The following VGLL3 variants were observed in gnomAD, a reference collection of about 807,000 sequenced individuals.
The protein encoded by VGLL3 is vestigial like family member 3.
Under a neutral mutation model 29.2 loss-of-function variants are expected in VGLL3, and 18 were observed. The observed-to-expected ratio is 0.62, with a 90% CI of 0.43 to 0.91. VGLL3 has a LOEUF of 0.91. Among genes scored for constraint, VGLL3 ranks in the 40% least tolerant of loss-of-function variants. The pLI, the probability that VGLL3 is intolerant of heterozygous loss-of-function variation, is 0.00. For missense variants in VGLL3, 440 were observed against 413.2 expected (o/e 1.06, Z -0.56); for synonymous variants, 180 against 151.8 (o/e 1.19, Z -1.36).
rs1704485812 is a variant in VGLL3 at position 86,945,365 on chromosome 3, A to C, written c.*1659T>G. On this transcript the variant is annotated 3_prime_UTR_variant, in exon 4 of 4. Transcript: ENST00000398399. ...TAAAAAGTTCGCATATATGATACGA[A>C]CAATTAAAGATAGAAAGTGGCATTT... 6.6e-6 allele frequency: 1 copy of C among 152,218 alleles called. No homozygotes were observed. 9.4% of individuals were successfully genotyped at this position (152,218 alleles called of 1,614,324 possible). A position where few individuals can be genotyped will look rare whatever the true frequency, so the allele number is the denominator to read the frequency against.
At chr3:86,985,768 T>C (rs565131784) in intron 1 of VGLL3, among the ~76,000 whole-genome samples, 8 of 152,158 alleles carry the variant, frequency 5.3e-5, no homozygotes, top group Non-Finnish European at 8.8e-5. Context: ...AGCTTTTGCT[T>C]CTTGAATAAA....
In VGLL3 at chr3:86,943,847, T is replaced by C. The variant is rs1294748500; in HGVS notation, c.*3177A>G. On this transcript the variant is annotated 3_prime_UTR_variant, in exon 4 of 4. Transcript: ENST00000398399. ...GTGGAAGCATAGATTCTATTTAAAA[T>C]AAACGAGACAATTTTCTAGGGTCTA... 1 of 152,136 alleles carries C rather than the reference T, an allele frequency of 6.6e-6. No individual in the cohort carries two copies. Among genetic ancestry groups the C allele is most frequent in the Admixed American group, 6.5e-5 (1 of 15,274 alleles). 9.4% of individuals were successfully genotyped at this position (152,136 alleles called of 1,614,324 possible).
chr3:86,965,462 C>T lies in VGLL3; in HGVS notation c.937+3128G>A, dbSNP rs548851597. 9.2e-5 allele frequency among the ~76,000 whole-genome samples: 14 copies of T among 152,226 alleles called. No homozygotes were observed. In the South Asian group the frequency reaches 2.9e-3, roughly 32 times the overall value. On this transcript the variant is annotated intron_variant, in intron 3 of 3. Coordinates refer to ENST00000398399, the MANE Select transcript of VGLL3 (RefSeq NM_016206.4). ...TCACTGTTCTCAACTGCTCTGCTAC[C>T]CCTTCCTAGCTTGGTCCTACTATGC... is the stretch of plus-strand genomic sequence containing the variant.
At position 86,945,586 on chromosome 3, in the gene VGLL3, C is replaced by G. The variant is rs1704491069; in HGVS notation, c.*1438G>C. 1 of 152,162 alleles carries G rather than the reference C, an allele frequency of 6.6e-6. No homozygotes were observed. The highest frequency in any genetic ancestry group is 2.4e-5 in the African/African-American group (1 of 41,444). The allele number at this position is 152,162 out of a possible 1,614,324, so 9.4% of individuals were successfully genotyped here. ...CTGTTACTTTCATAATCTTAATCTT[C>G]TCCTAGCAGTGTCTTAATGATAATT... is the stretch of plus-strand genomic sequence containing the variant. On this transcript the variant is annotated 3_prime_UTR_variant, in exon 4 of 4. Transcript: ENST00000398399.
In VGLL3 at chr3:86,941,779, C is replaced by T. The variant is rs1354406997; in HGVS notation, c.*5245G>A. On this transcript the variant is annotated 3_prime_UTR_variant, in exon 4 of 4. Coordinates refer to ENST00000398399, the MANE Select transcript of VGLL3 (RefSeq NM_016206.4). Reference sequence around the variant, plus strand: ...TGTACATGGTGCAATTCCCAGAGAGCACTACAAGATTCAAAAGAAAAAAAA... The same window carrying T: ...TGTACATGGTGCAATTCCCAGAGAGTACTACAAGATTCAAAAGAAAAAAAA... The T allele has an allele frequency of 6.6e-6, 1 of 151,700 alleles. No homozygotes were observed. Among genetic ancestry groups the T allele is most frequent in the Non-Finnish European group, 1.5e-5 (1 of 67,910 alleles). The allele number at this position is 151,700 out of a possible 1,614,324, so 9.4% of individuals were successfully genotyped here.
rs1407150130 is a variant in VGLL3 at position 86,946,232 on chromosome 3, T to C, written c.*792A>G. On this transcript the variant is annotated 3_prime_UTR_variant, in exon 4 of 4. Transcript: ENST00000398399. ...TTCTTATTAGTCAACCTCCAAGTTA[T>C]TCTTTGGGAGAAATCAAAGCAATAA... The C allele has an allele frequency of 6.6e-6, 1 of 152,134 alleles. No homozygotes were observed. The allele number at this position is 152,134 out of a possible 1,614,324, so 9.4% of individuals were successfully genotyped here.
At position 86,951,249 on chromosome 3, in the gene VGLL3, A is replaced by G. The variant is rs1343047686; in HGVS notation, c.938-4182T>C. 5.3e-5 allele frequency among the ~76,000 whole-genome samples: 8 copies of G among 152,320 alleles called. No homozygotes were observed. The South Asian group carries it at 1.4e-3, about 28-fold the overall frequency. On this transcript the variant is annotated intron_variant, in intron 3 of 3. Coordinates refer to ENST00000398399, the MANE Select transcript of VGLL3 (RefSeq NM_016206.4). ...ACAGTCTTAGTTCGTTTGGGCTGCT[A>G]TACCAAAATATCATAAACTAGATAG... is the stretch of plus-strand genomic sequence containing the variant.
chr3:86,951,869 G>T (rs913421173), intron 3 of VGLL3, among the ~76,000 whole-genome samples: 7 of 152,180 alleles, frequency 4.6e-5, no homozygotes, highest in Admixed American at 2.0e-4. Flanking sequence ...GGCCACCCCA[G>T]ATGAGCGTCT....
At position 86,990,263 on chromosome 3, in the gene VGLL3, A is replaced by G. The variant is rs143581831; in HGVS notation, c.126+355T>C. 1,455 of 971,306 alleles carry G rather than the reference A, an allele frequency of 1.5e-3. 24 individuals are homozygous for G. In the African/African-American group the frequency reaches 0.021, roughly 14 times the overall value. The allele number at this position is 971,306 out of a possible 1,614,324, so 60.2% of individuals were successfully genotyped here. A position where few individuals can be genotyped will look rare whatever the true frequency, so the allele number is the denominator to read the frequency against. ...ACCCTGAAACATTCCATCTTTCCAA[A>G]TAAACAAAATAGTTGGTTGAAAGGA... On this transcript the variant is annotated intron_variant, in intron 1 of 3. Coordinates refer to ENST00000398399, the MANE Select transcript of VGLL3 (RefSeq NM_016206.4).
At chr3:86,955,900 A>T (rs900419573) in intron 3 of VGLL3, among the ~76,000 whole-genome samples, 3 of 152,236 alleles carry the variant, frequency 2.0e-5, no homozygotes, top group Non-Finnish European at 4.4e-5. Context: ...CCAGCATATC[A>T]GACTGTAACC....
At chr3:86,976,197 T>C (rs1705206330) in intron 2 of VGLL3, among the ~76,000 whole-genome samples, 1 of 152,204 alleles carries the variant, frequency 6.6e-6, no homozygotes, top group Non-Finnish European at 1.5e-5. Flanking sequence ...TTGCTTCTCA[T>C]TGAATATTCT....
At chr3:86,963,006 A>T in intron 3 of VGLL3, 1 of 242,892 alleles carries the variant, frequency 4.1e-6, no homozygotes, top group South Asian at 3.4e-5. Flanking sequence ...GAGGCAGGAC[A>T]ATTGGTTGAA....
chr3:86,960,151 A>C (rs1157617812), intron 3 of VGLL3, among the ~76,000 whole-genome samples: 2 of 152,170 alleles, frequency 1.3e-5, no homozygotes, highest in Non-Finnish European at 2.9e-5. Context: ...AGTATGTTCC[A>C]AAGTGAATAG....
rs1705571189 is a variant in VGLL3, at chr3:86,990,842, C to T, written c.-99G>A. 2 of 1,177,294 alleles carry T rather than the reference C, an allele frequency of 1.7e-6. No homozygotes were observed. Among genetic ancestry groups the T allele is most frequent in the Non-Finnish European group, 2.1e-6 (2 of 945,890 alleles). 72.9% of individuals were successfully genotyped at this position (1,177,294 alleles called of 1,614,324 possible). A position where few individuals can be genotyped will look rare whatever the true frequency, so the allele number is the denominator to read the frequency against. ...CCGCCGCCGCAGCTGCCGCCTCTGT[C>T]GCTGCTCCAGCTGCTACTGCGGCGA... is the stretch of plus-strand genomic sequence containing the variant. On this transcript the variant is annotated 5_prime_UTR_variant, in exon 1 of 4. Transcript: ENST00000398399.
chr3:86,952,063 C>G (rs1704628751), intron 3 of VGLL3, among the ~76,000 whole-genome samples: 2 of 152,126 alleles, frequency 1.3e-5, no homozygotes. Context: ...AAGCAGACAA[C>G]AACTTATCAA....
intron 3 of VGLL3, chr3:86,962,689 T>G: frequency 1.2e-6 from 1 of 832,078 alleles, no homozygotes; most frequent in Non-Finnish European, 1.4e-6. Context: ...CCTAGATATA[T>G]TTCCAAGAGA....
intron 1 of VGLL3, among the ~76,000 whole-genome samples, chr3:86,980,931 T>C (rs1705313065): frequency 6.6e-6 from 1 of 152,132 alleles, no homozygotes; most frequent in South Asian, 2.1e-4. Context: ...ATTTCTTTTT[T>C]CTGTTAATGT....
intron 1 of VGLL3, among the ~76,000 whole-genome samples, chr3:86,986,386 T>C (rs1705441602): frequency 6.6e-6 from 1 of 152,188 alleles, no homozygotes; most frequent in African/African-American, 2.4e-5. Flanking sequence ...TCGATTCTGG[T>C]TGACTGCCAG....
At position 86,969,271 on chromosome 3, in the gene VGLL3, T is replaced by C. The variant is rs191842062; in HGVS notation, c.404-148A>G. The stretch of plus-strand genomic sequence containing the variant: ...CTTATTCTCCCCAAACAGGGGTGAA[T>C]TGATACCAGGTTGGCCTCTGGGCTC... On this transcript the variant is annotated intron_variant, in intron 2 of 3. Transcript: ENST00000398399. The C allele has an allele frequency of 5.7e-3, 5,947 of 1,037,806 alleles. 29 individuals carry two copies. Among genetic ancestry groups the C allele is most frequent in the Non-Finnish European group, 6.9e-3 (5,123 of 740,922 alleles). 64.3% of individuals were successfully genotyped at this position (1,037,806 alleles called of 1,614,324 possible). A position where few individuals can be genotyped will look rare whatever the true frequency, so the allele number is the denominator to read the frequency against.
Sources: gnomAD v4.1 joint callset for allele counts (sites outside exome capture counted in the v4.1 genomes callset) on GRCh38, gnomAD v4.1.1 for gene constraint, MANE v1.5 for transcripts, NCBI Gene and HGNC (gene_info 2026-07-23, HGNC 2026-07-21) for gene names.